Variants in SERPING1 observed in about 807,000 individuals in gnomAD.
SERPING1 encodes serpin family G member 1, also known as plasma protease C1 inhibitor.
SERPING1 carries 5 observed loss-of-function variants against 34.1 expected under a neutral mutation model. That is an observed-to-expected ratio of 0.15 (90% CI 0.08 to 0.31). The LOEUF is 0.31. Among genes scored for constraint, SERPING1 ranks in the 10% least tolerant of loss-of-function variants. The probability of loss-of-function intolerance (pLI) is 1.00; values close to 1 mark genes in which losing one functional copy is unlikely to be tolerated. For missense variants in SERPING1, 505 were observed against 609.5 expected, an observed-to-expected ratio of 0.83 and a Z score of 1.81; for synonymous variants, 225 against 242.4, an observed-to-expected ratio of 0.93 and a Z score of 0.67.
chr11:57,611,835 T>G lies in SERPING1; in HGVS notation c.1148T>G (p.Met383Arg). ...AGCCCTTCTGTTTTCAAGGCCATCATGGAGAAACTGGAGATGTCCAAGTTC... is the reference window on the plus strand; with the variant it reads ...AGCCCTTCTGTTTTCAAGGCCATCAGGGAGAAACTGGAGATGTCCAAGTTC... ...ALSPSVFKAIMEKLEMSKFQP... is the reference protein window; with the variant it reads ...ALSPSVFKAIREKLEMSKFQP... The change falls in exon 7 of 8, where the codon ATG becomes AGG. Residue 383 changes from methionine (M) to arginine (R), a missense_variant. Physicochemically the swap from Met to Arg is moderately conservative, Grantham distance 91. Coordinates refer to ENST00000278407, the MANE Select transcript of SERPING1 (RefSeq NM_000062.3). 1 of 1,614,152 alleles carries G rather than the reference T, an allele frequency of 6.2e-7. No homozygotes were observed. The highest frequency in any genetic ancestry group is 8.5e-7 in the Non-Finnish European group (1 of 1,180,020).
At chr11:57,600,462 C>G (rs894716421) in intron 3 of SERPING1, 85 bp downstream of exon 3, 64 of 1,490,270 alleles carry the variant, frequency 4.3e-5, no homozygotes, top group Non-Finnish European at 5.5e-5. Flanking sequence ...AAAGCCATGC[C>G]TCTGGGAAGA....
At chr11:57,598,534 A>G (rs28362946) in intron 2 of SERPING1, among the ~76,000 whole-genome samples, 91 of 152,274 alleles carry the variant, frequency 6.0e-4, no homozygotes, top group African/African-American at 2.1e-3. Flanking sequence ...TTGGCGGGCC[A>G]TGTAGGAGCT....
intron 7 of SERPING1, 111 bp downstream of exon 7, chr11:57,612,047 T>C: frequency 1.1e-6 from 1 of 944,348 alleles, no homozygotes. Flanking sequence ...AATCTCAGTT[T>C]GTCCTGCAAC....
chr11:57,614,819 A>C lies in SERPING1; in HGVS notation c.*238A>C. 1 of 529,444 alleles carries C rather than the reference A, an allele frequency of 1.9e-6. No homozygotes were observed. Among genetic ancestry groups the C allele is most frequent in the South Asian group, 3.0e-5 (1 of 33,788 alleles). 32.8% of individuals were successfully genotyped at this position (529,444 alleles called of 1,614,324 possible). The stretch of plus-strand genomic sequence containing the variant: ...GCTTTCTCTAGTTCAAGTTCACCAG[A>C]CTCTATAAATAAAACCTGACAGACC... On this transcript the variant is annotated 3_prime_UTR_variant, in exon 8 of 8. Transcript: ENST00000278407.
chr11:57,609,919 A>G (rs1945460760), intron 6 of SERPING1, among the ~76,000 whole-genome samples: 1 of 152,106 alleles, frequency 6.6e-6, no homozygotes, highest in Non-Finnish European at 1.5e-5. Context: ...GGCATGAGCC[A>G]CCTCACCCAG....
chr11:57,607,921 A>T (rs1321341576), intron 6 of SERPING1, among the ~76,000 whole-genome samples: 2 of 152,198 alleles, frequency 1.3e-5, no homozygotes, highest in Non-Finnish European at 1.5e-5. Context: ...AGCCTCCCAA[A>T]GGGCTGGGAT....
At chr11:57,612,710 C>G (rs1295047202) in intron 7 of SERPING1, among the ~76,000 whole-genome samples, 1 of 151,790 alleles carries the variant, frequency 6.6e-6, no homozygotes, top group Non-Finnish European at 1.5e-5. Flanking sequence ...AGTCACCGCG[C>G]CCAGCCCAGA....
At chr11:57,612,043 A>C in intron 7 of SERPING1, 107 bp downstream of exon 7, 4 of 973,572 alleles carry the variant, frequency 4.1e-6, no homozygotes, top group Non-Finnish European at 6.5e-6. Context: ...CCATAATCTC[A>C]GTTTGTCCTG....
At chr11:57,598,349 C>T (rs199873764) in intron 2 of SERPING1, 28 bp downstream of exon 2, 2 of 1,527,268 alleles carry the variant, frequency 1.3e-6, no homozygotes, top group African/African-American at 1.4e-5. Context: ...GGATGGGGGA[C>T]GGGGGTGGAG....
At chr11:57,602,810 C>G (rs190279111) in intron 4 of SERPING1, among the ~76,000 whole-genome samples, 151 of 150,566 alleles carry the variant, frequency 1.0e-3, no homozygotes, top group Non-Finnish European at 1.8e-3. Flanking sequence ...AAGGAGAAAG[C>G]CGGGCCGGGC....
chr11:57,607,950 C>T (rs927579434), intron 6 of SERPING1, among the ~76,000 whole-genome samples: 4 of 152,212 alleles, frequency 2.6e-5, no homozygotes, highest in Non-Finnish European at 4.4e-5. Context: ...TGAGCCACAG[C>T]GCCCAGCTGA....
intron 3 of SERPING1, among the ~76,000 whole-genome samples, chr11:57,601,401 C>CAG (rs1945346054): frequency 7.0e-6 from 1 of 143,302 alleles, no homozygotes. Context: ...GACTCTGTCT[C>CAG]AAAAAAAAAA....
At chr11:57,598,197 G>GCCCCTGGGCT in intron 1 of SERPING1, 52 bp from the exon 2 acceptor site, 1 of 1,443,614 alleles carries the variant, frequency 6.9e-7, no homozygotes, top group Non-Finnish European at 9.4e-7. Context: ...CGGGGTGGGG[G>GCCCCTGGGCT]CCCCTGGGCT....
intron 5 of SERPING1, 71 bp from the exon 6 acceptor site, chr11:57,606,337 A>G (rs1367500212): frequency 2.5e-6 from 4 of 1,605,922 alleles, no homozygotes; most frequent in Non-Finnish European, 3.4e-6. Context: ...CTCTTTGCTA[A>G]CAAGGCTTTT....
At position 57,599,880 on chromosome 11, in the gene SERPING1, A is replaced by G. The variant is rs776931359; in HGVS notation, c.53A>G (p.Asp18Gly). ...GAAACTCAGTTTCTTGAACCACAGG[A>G]TAGAGCCTCCTCAAATCCAAATGCT... Reference protein sequence around the residue: ...LTLLLLLLAGDRASSNPNATS... With the variant: ...LTLLLLLLAGGRASSNPNATS... The change falls in exon 3 of 8, where the codon GAT becomes GGT. Residue 18 changes from aspartate (D) to glycine (G), a missense_variant and splice_region_variant. By Grantham distance (94) the Asp-to-Gly change is moderately conservative. Transcript: ENST00000278407. The G allele has an allele frequency of 1.2e-6, 2 of 1,614,166 alleles. No individual in the cohort carries two copies. The highest frequency in any genetic ancestry group is 1.7e-6 in the Non-Finnish European group (2 of 1,180,032).
Position 57,614,456 on chromosome 11 carries a change from T to C in SERPING1, c.1378T>C (p.Ser460Pro), listed in dbSNP as rs2135328049. Residue 460 changes from serine to proline, a missense_variant, in exon 8 of 8, where the codon TCC becomes CCC. Physicochemically the swap from Ser to Pro is moderately conservative, Grantham distance 74. Coordinates refer to ENST00000278407, the MANE Select transcript of SERPING1 (RefSeq NM_000062.3). ...TETGVEAAAA[S>P]AISVARTLLV... ...GACTGGGGTGGAGGCGGCTGCAGCC[T>C]CCGCCATCTCTGTGGCCCGCACCCT... The C allele has an allele frequency of 6.2e-7, 1 of 1,614,092 alleles. No individual in the cohort carries two copies. Among genetic ancestry groups the C allele is most frequent in the Non-Finnish European group, 8.5e-7 (1 of 1,180,026 alleles).
chr11:57,610,916 C>T (rs1176567061), intron 6 of SERPING1, among the ~76,000 whole-genome samples: 2 of 152,086 alleles, frequency 1.3e-5, no homozygotes, highest in Non-Finnish European at 2.9e-5. Flanking sequence ...TGTCTGGTCA[C>T]CAGTTGAAAG....
At position 57,606,194 on chromosome 11, in the gene SERPING1, C is replaced by A. The variant is rs1371879228; in HGVS notation, c.870C>A (p.Leu290=). 6.2e-7 allele frequency: 1 copy of A among 1,614,054 alleles called. No homozygotes were observed. The highest frequency in any genetic ancestry group is 8.5e-7 in the Non-Finnish European group (1 of 1,180,034). The change falls in exon 5 of 8, where the codon CTC becomes CTA. Residue 290 remains leucine (L), a synonymous_variant. Coordinates refer to ENST00000278407, the MANE Select transcript of SERPING1 (RefSeq NM_000062.3). ...SLPSDTRLVL[L]NAIYLSAKWK... is the part of the protein sequence containing the mutation. ...CCTCCGATACCCGCCTTGTCCTCCT[C>A]AATGCTATCTACCTGAGTGGTAAGG...
At chr11:57,602,232 C>A in intron 4 of SERPING1, 63 bp downstream of exon 4, 1 of 1,586,726 alleles carries the variant, frequency 6.3e-7, no homozygotes, top group Non-Finnish European at 8.6e-7. Context: ...TGAAGGGGGA[C>A]CCAGCGCTGG....
Sources: allele counts gnomAD v4.1 joint callset (sites outside exome capture counted in the v4.1 genomes callset), GRCh38; gene constraint gnomAD v4.1.1; transcripts MANE v1.5; gene names NCBI Gene and HGNC (gene_info 2026-07-23, HGNC 2026-07-21).